The following THRAP3 variants were observed in gnomAD, a reference collection of about 807,000 sequenced individuals.
The protein encoded by THRAP3 is thyroid hormone receptor-associated protein 3.
Under a neutral mutation model 101.0 loss-of-function variants are expected in THRAP3, and 16 were observed. The observed-to-expected ratio is 0.16, with a 90% CI of 0.11 to 0.24. THRAP3 has a LOEUF of 0.24. THRAP3 is among the 10% of genes least tolerant of loss of function. The pLI, the probability that THRAP3 is intolerant of heterozygous loss-of-function variation, is 1.00. For synonymous variants in THRAP3, 407 were observed against 422.6 expected (o/e 0.96, Z 0.45); for missense variants, 989 against 1,202.7 (o/e 0.82, Z 2.63).
chr1:36,235,045 C>T (rs1283784209), intron 1 of THRAP3, among the ~76,000 whole-genome samples: 1 of 152,070 alleles, frequency 6.6e-6, no homozygotes, highest in African/African-American at 2.4e-5. Flanking sequence ...AACTCCTGAC[C>T]TCAGGTGATC....
At chr1:36,214,323 T>G in the THRAP3 span, among the ~76,000 whole-genome samples, 1 of 152,042 alleles carries the variant, frequency 6.6e-6, no homozygotes, top group African/African-American at 2.4e-5. Context: ...AACCTGGGGG[T>G]CGACTTTGAC....
chr1:36,248,807 A>C (rs922040486), intron 1 of THRAP3, among the ~76,000 whole-genome samples: 4 of 152,156 alleles, frequency 2.6e-5, no homozygotes, highest in Non-Finnish European at 5.9e-5. Context: ...CTATTGAGCA[A>C]ACATGATGAA....
chr1:36,289,875 G>C, intron 5 of THRAP3, 111 bp downstream of exon 5: 2 of 1,405,760 alleles, frequency 1.4e-6, no homozygotes, highest in Non-Finnish European at 1.9e-6. Context: ...TTAAGCTTCA[G>C]TGGTGATACT....
the THRAP3 span, among the ~76,000 whole-genome samples, chr1:36,212,571 C>G: frequency 6.6e-6 from 1 of 151,942 alleles, no homozygotes; most frequent in African/African-American, 2.4e-5. Context: ...CAGGTGCGTG[C>G]CACCATGCTC....
intron 2 of THRAP3, among the ~76,000 whole-genome samples, chr1:36,273,527 A>G (rs1645616451): frequency 6.6e-6 from 1 of 152,258 alleles, no homozygotes; most frequent in East Asian, 1.9e-4. Flanking sequence ...GACCAAGACA[A>G]GGCTGTCCAC....
intron 1 of THRAP3, among the ~76,000 whole-genome samples, chr1:36,241,173 A>G (rs1357799004): frequency 2.8e-5 from 4 of 144,630 alleles, no homozygotes; most frequent in Non-Finnish European, 6.0e-5. Flanking sequence ...GGCCTGGGCG[A>G]CAGTGCAAGA....
intron 1 of THRAP3, among the ~76,000 whole-genome samples, chr1:36,251,093 G>T (rs1645295798): frequency 6.6e-6 from 1 of 152,040 alleles, no homozygotes; most frequent in Non-Finnish European, 1.5e-5. Context: ...TGGTTAAAAT[G>T]GGCAGTTGTA....
At position 36,301,659 on chromosome 1, in the gene THRAP3, A is replaced by G. The variant is rs1490682423; in HGVS notation, c.2609A>G (p.Asp870Gly). Residue 870 changes from aspartate (D) to glycine (G), a missense_variant, in exon 11 of 12, where the codon GAC (aspartate) becomes GGC (glycine). Coordinates refer to ENST00000354618, the MANE Select transcript of THRAP3 (RefSeq NM_005119.4). ...AAAAGAAACCGGGAAGAGGAGTGGGACCCAGAGTACACACCCAAAAGCAAG... is the reference window on the plus strand; with the variant it reads ...AAAAGAAACCGGGAAGAGGAGTGGGGCCCAGAGTACACACCCAAAAGCAAG... ...FQKRNREEEW[D>G]PEYTPKSKKY... 1 of 1,614,146 alleles carries G rather than the reference A, an allele frequency of 6.2e-7. No individual in the cohort carries two copies. The highest frequency in any genetic ancestry group is 1.7e-5 in the Admixed American group (1 of 60,020).
Position 36,260,878 on chromosome 1 carries a change from TC to T in THRAP3, c.-32+1395del, listed in dbSNP as rs371612855. On this transcript the variant is annotated intron_variant, in intron 2 of 11. Transcript: ENST00000354618. The stretch of plus-strand genomic sequence containing the variant: ...TAATATAATTTTAGTCATGGCAGTA[TC>T]ATGGTTTACAACATTATTATGATTA... 7.3e-4 allele frequency among the ~76,000 whole-genome samples: 111 copies of T among 151,746 alleles called. 2 individuals carry two copies. The East Asian group carries it at 0.013, about 18-fold the overall frequency.
At chr1:36,246,258 GTA>G (rs1207300927) in intron 1 of THRAP3, among the ~76,000 whole-genome samples, 1 of 152,158 alleles carries the variant, frequency 6.6e-6, no homozygotes, top group Non-Finnish European at 1.5e-5. Flanking sequence ...ATAGGAATAT[GTA>G]TAGAGTAAGA....
At chr1:36,279,229 T>C (rs1645701793) in intron 2 of THRAP3, among the ~76,000 whole-genome samples, 1 of 152,180 alleles carries the variant, frequency 6.6e-6, no homozygotes, top group Non-Finnish European at 1.5e-5. Flanking sequence ...TTTATTCTTT[T>C]AAAGTCTGAT....
chr1:36,244,705 T>C (rs965482190), intron 1 of THRAP3, among the ~76,000 whole-genome samples: 2 of 151,976 alleles, frequency 1.3e-5, no homozygotes, highest in Non-Finnish European at 2.9e-5. Flanking sequence ...TATCTACCTG[T>C]ACAATTTTAC....
intron 4 of THRAP3, chr1:36,288,526 TTTG>T: frequency 1.0e-6 from 1 of 985,468 alleles, no homozygotes; most frequent in Non-Finnish European, 1.2e-6. Context: ...TAACATGTAT[TTTG>T]TTTTTATTTG....
chr1:36,304,179 C>G lies in THRAP3; in HGVS notation c.*162C>G. 8.7e-7 allele frequency: 1 copy of G among 1,153,678 alleles called. No homozygotes were observed. Among genetic ancestry groups the G allele is most frequent in the Non-Finnish European group, 1.2e-6 (1 of 851,816 alleles). 71.5% of individuals were successfully genotyped at this position (1,153,678 alleles called of 1,614,324 possible). On this transcript the variant is annotated 3_prime_UTR_variant, in exon 12 of 12. Transcript: ENST00000354618. ...CCGCGAGAGGCATCCCTGGCGCTGTCTCCCACTGGACAGAGGAGGCTGGCC... is the reference window on the plus strand; with the variant it reads ...CCGCGAGAGGCATCCCTGGCGCTGTGTCCCACTGGACAGAGGAGGCTGGCC...
Position 36,298,208 on chromosome 1 carries a change from T to C in THRAP3, c.2303+1438T>C, listed in dbSNP as rs16822669. On this transcript the variant is annotated intron_variant, in intron 9 of 11. Coordinates refer to ENST00000354618, the MANE Select transcript of THRAP3 (RefSeq NM_005119.4). The stretch of plus-strand genomic sequence containing the variant: ...GACCTCAAACACGGATCTTTTGTTA[T>C]ACTTTGTCTCCCATTCCAATGTGTT... Among the ~76,000 whole-genome samples the C allele has an allele frequency of 1.3e-3, 198 of 151,824 alleles. 1 individual carries two copies. The highest frequency in any genetic ancestry group is 4.1e-3 in the African/African-American group (171 of 41,398).
the THRAP3 span, among the ~76,000 whole-genome samples, chr1:36,214,868 AT>A: frequency 1.3e-5 from 2 of 150,520 alleles, no homozygotes; most frequent in East Asian, 2.0e-4. Flanking sequence ...CAAAAAAAAA[AT>A]AAATAAATAA....
chr1:36,232,822 G>C (rs1261182482), intron 1 of THRAP3, among the ~76,000 whole-genome samples: 1 of 151,328 alleles, frequency 6.6e-6, no homozygotes, highest in Non-Finnish European at 1.5e-5. Flanking sequence ...GAAATATTCT[G>C]TTTTGGTCGT....
intron 9 of THRAP3, among the ~76,000 whole-genome samples, chr1:36,297,245 T>C (rs1645964572): frequency 6.6e-6 from 1 of 152,170 alleles, no homozygotes; most frequent in Non-Finnish European, 1.5e-5. Flanking sequence ...AGAGAGGTGT[T>C]CCAGGTACTC....
chr1:36,234,394 G>T (rs1318750353), intron 1 of THRAP3, among the ~76,000 whole-genome samples: 1 of 152,152 alleles, frequency 6.6e-6, no homozygotes, highest in Non-Finnish European at 1.5e-5. Flanking sequence ...GATGGTGGTT[G>T]AAAAAATTCA....
Sources: gnomAD v4.1 joint callset for allele counts (sites outside exome capture counted in the v4.1 genomes callset) on GRCh38, gnomAD v4.1.1 for gene constraint, MANE v1.5 for transcripts, NCBI Gene and HGNC (gene_info 2026-07-23, HGNC 2026-07-21) for gene names.